MAP3K15: variants seen among roughly 807,000 people sequenced by gnomAD.
The protein encoded by MAP3K15 is MAPK/ERK kinase kinase 15.
A neutral mutation model predicts 99.5 loss-of-function variants in MAP3K15; 124 were observed. The ratio of observed to expected loss-of-function variants is 1.25; its 90% CI spans 1.08 to 1.45. MAP3K15 has a LOEUF of 1.45. MAP3K15 is among the 40% of genes most tolerant of loss of function. The pLI is 0.00. For synonymous variants in MAP3K15, 494 were observed against 439.6 expected, an observed-to-expected ratio of 1.12 and a Z score of -1.55; for missense variants, 1,242 against 1,079.7, an observed-to-expected ratio of 1.15 and a Z score of -2.11.
chrX:19,410,197 G>T (rs1318127099), intron 11 of MAP3K15, among the ~76,000 whole-genome samples: 1 of 112,147 alleles, frequency 8.9e-6, no homozygotes, highest in East Asian at 2.8e-4. Context: ...ATGTAAATTT[G>T]AAATAATCTA....
intron 2 of MAP3K15, among the ~76,000 whole-genome samples, chrX:19,487,468 T>C (rs974577782): frequency 8.9e-6 from 1 of 111,861 alleles, no homozygotes; most frequent in African/African-American, 3.2e-5. Context: ...TTCCTAAGCA[T>C]AGCTACCTTG....
intron 19 of MAP3K15, among the ~76,000 whole-genome samples, chrX:19,375,452 GAAGT>G (rs1195040772): frequency 2.7e-5 from 3 of 112,128 alleles, no homozygotes; most frequent in African/African-American, 9.7e-5. Flanking sequence ...GACCTGTAGG[GAAGT>G]AAGAGTTGGT....
chrX:19,430,208 G>A (rs1602302993), intron 7 of MAP3K15, among the ~76,000 whole-genome samples: 1 of 112,263 alleles, frequency 8.9e-6, no homozygotes. Flanking sequence ...AAGTAACCAC[G>A]TGTGAGTTCC....
At position 19,360,139 on chromosome X, in the gene MAP3K15, ATCATT is replaced by A; in HGVS notation, c.*605_*609del. 1 of 157,658 alleles carries A rather than the reference ATCATT, an allele frequency of 6.3e-6. No individual in the cohort carries two copies. The highest frequency in any genetic ancestry group is 1.3e-4 in the South Asian group (1 of 7,749). The allele number at this position is 157,658 out of a possible 1,213,427, so 13.0% of individuals were successfully genotyped here. The stretch of plus-strand genomic sequence containing the variant: ...CTTTTGTAATCATTCCAATTTTGTA[ATCATT>A]TCAAAGGCCACATAACTTAGTTTTC... On this transcript the variant is annotated 3_prime_UTR_variant, in exon 29 of 29. Transcript: ENST00000338883.
intron 24 of MAP3K15, among the ~76,000 whole-genome samples, chrX:19,370,247 T>G (rs758715372): frequency 8.9e-6 from 1 of 112,300 alleles, no homozygotes; most frequent in African/African-American, 3.2e-5. Flanking sequence ...CTGTAACTAC[T>G]ACATGATGAT....
At chrX:19,421,401 C>A (rs879015489) in intron 9 of MAP3K15, among the ~76,000 whole-genome samples, 22 of 110,332 alleles carry the variant, frequency 2.0e-4, no homozygotes, top group Non-Finnish European at 9.4e-5. Context: ...AAACAGAGAG[C>A]CAAATCATGA....
intron 9 of MAP3K15, among the ~76,000 whole-genome samples, chrX:19,422,558 G>A (rs2063796161): frequency 8.9e-6 from 1 of 111,742 alleles, no homozygotes; most frequent in Admixed American, 9.5e-5. Flanking sequence ...GGAGAAATAG[G>A]AACACTTTTA....
In MAP3K15 at chrX:19,360,845, A is replaced by C; in HGVS notation, c.3858-12T>G. On this transcript the variant is annotated splice_polypyrimidine_tract_variant and intron_variant, in intron 28 of 28. Coordinates refer to ENST00000338883, the MANE Select transcript of MAP3K15 (RefSeq NM_001001671.4). ...AGAGGAGACCACCCCTGGGAAACAA[A>C]CACAGCTGTCTTCAGAGTCAGTGCT... 1 of 1,148,273 alleles carries C rather than the reference A, an allele frequency of 8.7e-7. No individual in the cohort carries two copies. The allele number at this position is 1,148,273 out of a possible 1,213,427, so 94.6% of individuals were successfully genotyped here. A position where few individuals can be genotyped will look rare whatever the true frequency, so the allele number is the denominator to read the frequency against.
At chrX:19,362,893 T>C in intron 25 of MAP3K15, 43 bp from the exon 26 acceptor site, 1 of 710,116 alleles carries the variant, frequency 1.4e-6, no homozygotes, top group South Asian at 2.4e-5. Flanking sequence ...CCAGAGAGCA[T>C]TCAACACCAT....
intron 1 of MAP3K15, chrX:19,496,253 G>C (rs893165616): frequency 2.7e-5 from 3 of 109,934 alleles, no homozygotes; most frequent in Non-Finnish European, 5.7e-5. Flanking sequence ...TTTTAGTAGA[G>C]ACAGGGTTTC....
At chrX:19,368,841 G>GTT (rs773761949) in intron 25 of MAP3K15, among the ~76,000 whole-genome samples, 3,340 of 94,039 alleles carry the variant, frequency 0.036, 75 homozygotes, top group South Asian at 0.1. Flanking sequence ...CTGATTCTGA[G>GTT]TTTTTTTTTT....
chrX:19,424,468 C>T (rs1332481064), intron 9 of MAP3K15, among the ~76,000 whole-genome samples: 1 of 110,001 alleles, frequency 9.1e-6, no homozygotes, highest in African/African-American at 3.3e-5. Flanking sequence ...AAGTCACATG[C>T]CAAACACATA....
At position 19,459,999 on chromosome X, in the gene MAP3K15, A is replaced by G. The variant is rs752230776; in HGVS notation, c.874T>C (p.Tyr292His). The change falls in exon 5 of 29, where the codon TAC becomes CAC. Residue 292 changes from tyrosine to histidine, a missense_variant. By Grantham distance (83) the Tyr-to-His change is moderately conservative. Transcript: ENST00000338883. ...SDIIINLLLSYRDIQDYDAMV... is the reference protein window; with the variant it reads ...SDIIINLLLSHRDIQDYDAMV... Reference sequence around the variant, plus strand: ...GGATTTCATACCTGGATATCACGGTAGGACAGGAGTAAGTTAATGATGATG... The same window carrying G: ...GGATTTCATACCTGGATATCACGGTGGGACAGGAGTAAGTTAATGATGATG... 2 of 1,159,929 alleles carry G rather than the reference A, an allele frequency of 1.7e-6. No homozygotes were observed. Among genetic ancestry groups the G allele is most frequent in the Non-Finnish European group, 2.3e-6 (2 of 874,372 alleles).
intron 21 of MAP3K15, chrX:19,373,107 T>TGAGG (rs1232203942): frequency 3.4e-5 from 4 of 116,180 alleles, no homozygotes; most frequent in African/African-American, 1.9e-4. Context: ...GAAGGAGAGG[T>TGAGG]GAGGGAGGGA....
At chrX:19,435,049 A>G (rs2063911296) in intron 6 of MAP3K15, among the ~76,000 whole-genome samples, 1 of 112,208 alleles carries the variant, frequency 8.9e-6, no homozygotes. Flanking sequence ...AAGAGCCAAC[A>G]GATACCAACT....
chrX:19,382,080 A>G (rs1412062668), intron 18 of MAP3K15, among the ~76,000 whole-genome samples: 1 of 110,587 alleles, frequency 9.0e-6, no homozygotes, highest in Non-Finnish European at 1.9e-5. Flanking sequence ...CCCCGTCTCT[A>G]CTAAAAATAT....
chrX:19,457,886 T>C (rs1469486160), intron 5 of MAP3K15, among the ~76,000 whole-genome samples: 1 of 111,759 alleles, frequency 8.9e-6, no homozygotes, highest in Non-Finnish European at 1.9e-5. Context: ...ACCCACCTCA[T>C]GCCCCACACA....
At chrX:19,482,968 C>G (rs2064300939) in intron 3 of MAP3K15, among the ~76,000 whole-genome samples, 1 of 110,592 alleles carries the variant, frequency 9.0e-6, no homozygotes, top group East Asian at 2.8e-4. Flanking sequence ...GAAATGGAGA[C>G]AAATGGCCAG....
Position 19,369,036 on chromosome X carries a change from G to T in MAP3K15, c.3566+18C>A. 3 of 1,168,315 alleles carry T rather than the reference G, an allele frequency of 2.6e-6. No individual in the cohort carries two copies. The highest frequency in any genetic ancestry group is 3.4e-6 in the Non-Finnish European group (3 of 875,731). On this transcript the variant is annotated intron_variant, in intron 25 of 28. Coordinates refer to ENST00000338883, the MANE Select transcript of MAP3K15 (RefSeq NM_001001671.4). ...GTCCCAGCGCCTGCTCCCAGAGGAG[G>T]GCCCAGAAGCTCCTCACCTGTTGGT...
Sources: allele counts gnomAD v4.1 joint callset (sites outside exome capture counted in the v4.1 genomes callset), GRCh38; gene constraint gnomAD v4.1.1; transcripts MANE v1.5; gene names NCBI Gene and HGNC (gene_info 2026-07-23, HGNC 2026-07-21).